ARHGAP11A: variants seen among roughly 807,000 people sequenced by gnomAD.
The protein encoded by ARHGAP11A is Rho GTPase activating protein 11A.
ARHGAP11A carries 36 observed loss-of-function variants against 60.5 expected under a neutral mutation model. The observed-to-expected ratio is 0.59, with a 90% CI of 0.46 to 0.79. ARHGAP11A has a LOEUF of 0.79. ARHGAP11A is among the 30% of genes least tolerant of loss of function. The pLI is 0.00. For missense variants in ARHGAP11A, 1,071 were observed against 1,199.2 expected (o/e 0.89, Z 1.58); for synonymous variants, 362 against 415.5 (o/e 0.87, Z 1.57).
rs976253577 is a variant in ARHGAP11A at position 32,638,908 on chromosome 15, A to G, written c.*1063A>G. On this transcript the variant is annotated 3_prime_UTR_variant, in exon 12 of 12. Coordinates refer to ENST00000361627, the MANE Select transcript of ARHGAP11A (RefSeq NM_014783.6). ...AACCAAGGTGATTTCTTATATGTAG[A>G]TGCTCGATTTTGGAATTTGAAATAG... The G allele has an allele frequency of 1.3e-5, 2 of 152,614 alleles. No homozygotes were observed. Among genetic ancestry groups the G allele is most frequent in the Non-Finnish European group, 2.9e-5 (2 of 68,038 alleles). 9.5% of individuals were successfully genotyped at this position (152,614 alleles called of 1,614,324 possible). A position where few individuals can be genotyped will look rare whatever the true frequency, so the allele number is the denominator to read the frequency against.
At position 32,629,779 on chromosome 15, in the gene ARHGAP11A, A is replaced by G. The variant is rs1456363302; in HGVS notation, c.1105+17A>G. Reference sequence around the variant, plus strand: ...CGGTATCAGGTAGCAAATAGAATTTATATAAATGGATTGTAAAGATTAAAA... The same window carrying G: ...CGGTATCAGGTAGCAAATAGAATTTGTATAAATGGATTGTAAAGATTAAAA... On this transcript the variant is annotated intron_variant, in intron 8 of 11. Coordinates refer to ENST00000361627, the MANE Select transcript of ARHGAP11A (RefSeq NM_014783.6). The G allele has an allele frequency of 1.9e-6, 3 of 1,576,144 alleles. No homozygotes were observed. Among genetic ancestry groups the G allele is most frequent in the Non-Finnish European group, 2.6e-6 (3 of 1,162,712 alleles).
At chr15:32,620,964 C>G (rs1410356045) in intron 2 of ARHGAP11A, among the ~76,000 whole-genome samples, 1 of 152,116 alleles carries the variant, frequency 6.6e-6, no homozygotes, top group Admixed American at 6.5e-5. Context: ...CCAGCTACCT[C>G]TGAAGCTGAG....
Position 32,637,599 on chromosome 15 carries a change from TAGGTCTACTAC to T in ARHGAP11A, c.2829_2839del (p.Arg943SerfsTer3). ...ACCCAGATTCAGTGAATGCTTCTCT[TAGGTCTACTAC>T]AGTTTATAAACAGAAGATCTTATCT... On this transcript the variant is annotated frameshift_variant, in exon 12 of 12. Transcript: ENST00000361627. LOFTEE classifies it high-confidence loss of function. 1 of 1,614,208 alleles carries T rather than the reference TAGGTCTACTAC, an allele frequency of 6.2e-7. No homozygotes were observed. The highest frequency in any genetic ancestry group is 1.3e-5 in the African/African-American group (1 of 75,052).
chr15:32,632,739 C>G (rs2053613216), intron 8 of ARHGAP11A: 1 of 317,640 alleles, frequency 3.1e-6, no homozygotes, highest in Non-Finnish European at 5.8e-6. Context: ...AAGAAAAGCT[C>G]TAATATAAAA....
At chr15:32,618,916 A>C (rs996504484) in intron 1 of ARHGAP11A, among the ~76,000 whole-genome samples, 1 of 152,106 alleles carries the variant, frequency 6.6e-6, no homozygotes, top group Non-Finnish European at 1.5e-5. Context: ...GCGCCACTGC[A>C]CTCCAGCCTG....
At chr15:32,622,612 G>T (rs551362074) in intron 2 of ARHGAP11A, among the ~76,000 whole-genome samples, 2,678 of 151,976 alleles carry the variant, frequency 0.018, 57 homozygotes, top group African/African-American at 0.062. Flanking sequence ...TGTATCAATT[G>T]TTGGTAGCCG....
intron 1 of ARHGAP11A, among the ~76,000 whole-genome samples, chr15:32,616,874 G>A (rs919617893): frequency 2.0e-5 from 3 of 152,228 alleles, no homozygotes; most frequent in African/African-American, 4.8e-5. Context: ...CAGAACATTA[G>A]AAATAGGCTT....
chr15:32,620,229 A>G, intron 2 of ARHGAP11A, 51 bp downstream of exon 2: 7 of 1,606,832 alleles, frequency 4.4e-6, no homozygotes, highest in Non-Finnish European at 5.9e-6. Context: ...ATATGCCTGT[A>G]ACCCCAGCAT....
chr15:32,625,766 C>T (rs1451286958), intron 6 of ARHGAP11A, 133 bp downstream of exon 6: 15 of 902,192 alleles, frequency 1.7e-5, no homozygotes, highest in Admixed American at 7.1e-5. Flanking sequence ...AGGACGTATG[C>T]GTGTAAAAAG....
At chr15:32,618,638 G>A (rs962485966) in intron 1 of ARHGAP11A, among the ~76,000 whole-genome samples, 11 of 152,146 alleles carry the variant, frequency 7.2e-5, no homozygotes, top group Admixed American at 1.3e-4. Flanking sequence ...GAGTTAAGAT[G>A]TAAAGCCTGG....
At chr15:32,615,368 C>CCTT (rs2053105961), upstream of ARHGAP11A, 3 of 152,234 alleles carry the variant, frequency 2.0e-5, no homozygotes, top group South Asian at 6.2e-4. Flanking sequence ...CCGTTACACC[C>CCTT]CTTCGCCCGC....
chr15:32,625,975 G>C (rs1276059854), intron 6 of ARHGAP11A, among the ~76,000 whole-genome samples: 1 of 152,024 alleles, frequency 6.6e-6, no homozygotes, highest in Non-Finnish European at 1.5e-5. Flanking sequence ...TTCTAGATGA[G>C]AAGGATGCTA....
chr15:32,636,521 C>T lies in ARHGAP11A; in HGVS notation c.1748C>T (p.Pro583Leu), dbSNP rs1212784772. 3 of 1,613,912 alleles carry T rather than the reference C, an allele frequency of 1.9e-6. No homozygotes were observed. The highest frequency in any genetic ancestry group is 1.3e-5 in the African/African-American group (1 of 74,892). ...CATAATAGCAACATAACAAGTAGCC[C>T]TCTTAGCGGGGATGAAAATAACATG... Reference protein sequence around the residue: ...NKHNSNITSSPLSGDENNMTK... With the variant: ...NKHNSNITSSLLSGDENNMTK... The change falls in exon 12 of 12, where the codon CCT becomes CTT. Residue 583 changes from proline (P) to leucine (L), a missense_variant. By Grantham distance (98) the Pro-to-Leu change is moderately conservative. Transcript: ENST00000361627.
At chr15:32,633,888 G>A (rs1282941116) in intron 9 of ARHGAP11A, 45 bp from the exon 10 acceptor site, 1 of 1,174,750 alleles carries the variant, frequency 8.5e-7, no homozygotes, top group Non-Finnish European at 1.2e-6. Context: ...GTATTTCTCT[G>A]GTGTTTATAC....
chr15:32,625,616 G>A lies in ARHGAP11A; in HGVS notation c.845G>A (p.Arg282Lys). The change falls in exon 6 of 12, where the codon AGA becomes AAA. Residue 282 changes from arginine (R) to lysine (K), a missense_variant. Around this residue, in one of 4 missense-constraint regions of ARHGAP11A, gnomAD observed 196 missense variants for 272.1 expected, o/e 0.72. Transcript: ENST00000361627. ...ACTCCTGGTGAATATAAGAGAAAGA[G>A]AAGACAAAGTGTAGGAGGTAAGTGG... Reference protein sequence around the residue: ...YETPGEYKRKRRQSVGDFVSG... With the variant: ...YETPGEYKRKKRQSVGDFVSG... 2 of 1,613,958 alleles carry A rather than the reference G, an allele frequency of 1.2e-6. No individual in the cohort carries two copies. The highest frequency in any genetic ancestry group is 1.7e-6 in the Non-Finnish European group (2 of 1,179,842).
chr15:32,624,295 A>G lies in ARHGAP11A; in HGVS notation c.420A>G (p.Ala140=), dbSNP rs764052247. 7 of 1,613,724 alleles carry G rather than the reference A, an allele frequency of 4.3e-6. No homozygotes were observed. The highest frequency in any genetic ancestry group is 4.0e-5 in the African/African-American group (3 of 74,868). ...EPILPADLHE[A]LLKAQQLGTE... is the part of the protein sequence containing the mutation. ...TTCTCCCAGCTGATTTGCATGAAGC[A>G]CTTTTGAAAGCTCAACAGTTAGGCA... The change falls in exon 4 of 12, where the codon GCA becomes GCG. Residue 140 remains alanine (A), a synonymous_variant. Transcript: ENST00000361627.
At chr15:32,628,484 T>G (rs2053517581) in intron 6 of ARHGAP11A, among the ~76,000 whole-genome samples, 1 of 152,226 alleles carries the variant, frequency 6.6e-6, no homozygotes, top group Non-Finnish European at 1.5e-5. Context: ...TATATGTATT[T>G]GTATTACATT....
chr15:32,633,803 T>G, intron 9 of ARHGAP11A, 130 bp from the exon 10 acceptor site: 2 of 609,652 alleles, frequency 3.3e-6, no homozygotes, highest in South Asian at 4.4e-5. Flanking sequence ...TGAACTGTTT[T>G]TAAAGAATTA....
chr15:32,616,250 G>T lies in ARHGAP11A; in HGVS notation c.39G>T (p.Gln13His), dbSNP rs139475473. The T allele has an allele frequency of 5.3e-5, 85 of 1,614,176 alleles. No homozygotes were observed. The highest frequency in any genetic ancestry group is 6.8e-5 in the Non-Finnish European group (80 of 1,180,032). ...DQRLVRLALL[Q>H]HLRAFYGIKV... ...GGCTGGTGAGGTTGGCCCTGTTGCAGCATCTGCGGGCCTTCTATGGTATTA... is the reference window on the plus strand; with the variant it reads ...GGCTGGTGAGGTTGGCCCTGTTGCATCATCTGCGGGCCTTCTATGGTATTA... The change falls in exon 1 of 12, where the codon CAG becomes CAT. Residue 13 changes from glutamine (Q) to histidine (H), a missense_variant. Transcript: ENST00000361627.
Sources: allele counts gnomAD v4.1 joint callset (sites outside exome capture counted in the v4.1 genomes callset), GRCh38; gene constraint gnomAD v4.1.1; regional missense constraint gnomAD v4.1.1; transcripts MANE v1.5; gene names NCBI Gene and HGNC (gene_info 2026-07-23, HGNC 2026-07-21).